The following CNTNAP3B variants were observed in gnomAD, a reference collection of about 807,000 sequenced individuals.
CNTNAP3B encodes the protein contactin-associated protein-like 3B.
In CNTNAP3B, 25 loss-of-function variants were observed where a neutral mutation model predicts 108.9. The observed-to-expected ratio is 0.23, with a 90% CI of 0.17 to 0.32. CNTNAP3B has a LOEUF of 0.32. Among genes scored for constraint, CNTNAP3B ranks in the 10% least tolerant of loss-of-function variants. The pLI is 1.00. For synonymous variants in CNTNAP3B, 103 were observed against 473.4 expected (o/e 0.22, Z 10.16); for missense variants, 252 against 1,210.4 (o/e 0.21, Z 11.75).
intron 11 of CNTNAP3B, among the ~76,000 whole-genome samples, chr9:41,963,017 C>T (rs1431490854): frequency 2.0e-5 from 3 of 152,170 alleles, no homozygotes; most frequent in Non-Finnish European, 4.4e-5. Flanking sequence ...AACAGGGACC[C>T]TTCTAGTACA....
intron 9 of CNTNAP3B, chr9:41,983,168 G>T (rs1223380135): frequency 1.5e-5 from 2 of 136,838 alleles, no homozygotes; most frequent in Non-Finnish European, 3.1e-5. Context: ...TAACAAACCT[G>T]CACATGTATA....
At chr9:41,964,394 T>A in intron 11 of CNTNAP3B, 144 bp downstream of exon 11, 1 of 1,425,224 alleles carries the variant, frequency 7.0e-7, no homozygotes, top group Non-Finnish European at 9.3e-7. Flanking sequence ...TAAGGTGGAT[T>A]AAAAGTAAAC....
intron 14 of CNTNAP3B, among the ~76,000 whole-genome samples, chr9:41,931,888 C>A (rs1023588802): frequency 2.7e-5 from 4 of 150,380 alleles, no homozygotes; most frequent in African/African-American, 9.9e-5. Flanking sequence ...CACGGGAGCT[C>A]CAAGTTTCAT....
In CNTNAP3B at chr9:41,986,207, C is replaced by T. The variant is rs747222368; in HGVS notation, c.1438G>A (p.Ala480Thr). The change falls in exon 9 of 24, where the codon GCT becomes ACT. Residue 480 changes from alanine to threonine, a missense_variant. By Grantham distance (58) the Ala-to-Thr change is moderately conservative (BLOSUM62 0). Transcript: ENST00000377561. Reference protein sequence around the residue: ...DDDTAVQPLVAVLIDSGDTYY... With the variant: ...DDDTAVQPLVTVLIDSGDTYY... Reference sequence around the variant, plus strand: ...GTGTCACCTGAATCAATGAGCACAGCCACCAGGGGCTGAACAGCTGTGTCA... The same window carrying T: ...GTGTCACCTGAATCAATGAGCACAGTCACCAGGGGCTGAACAGCTGTGTCA... 5 of 1,110,312 alleles carry T rather than the reference C, an allele frequency of 4.5e-6. 1 individual carries two copies. Among genetic ancestry groups the T allele is most frequent in the East Asian group, 5.8e-5 (1 of 17,126 alleles). 68.8% of individuals were successfully genotyped at this position (1,110,312 alleles called of 1,614,324 possible).
chr9:42,055,508 T>C, intron 3 of CNTNAP3B, among the ~76,000 whole-genome samples: 1 of 143,208 alleles, frequency 7.0e-6, no homozygotes, highest in Middle Eastern at 3.5e-3. Flanking sequence ...TCATAAAATG[T>C]TAGTTAATCT....
At chr9:41,926,128 G>T (rs1207012100) in intron 15 of CNTNAP3B, among the ~76,000 whole-genome samples, 1 of 152,380 alleles carries the variant, frequency 6.6e-6, no homozygotes, top group East Asian at 1.9e-4. Flanking sequence ...GGATACCTCC[G>T]TTTTTAACCC....
intron 18 of CNTNAP3B, among the ~76,000 whole-genome samples, chr9:41,918,594 A>C (rs111541506): frequency 1.4e-5 from 2 of 143,018 alleles, no homozygotes; most frequent in Admixed American, 1.4e-4. Flanking sequence ...GATCATTCTT[A>C]TTAGATTAGG....
At chr9:41,948,075 CTTTT>C (rs1157775331) in intron 13 of CNTNAP3B, among the ~76,000 whole-genome samples, 1 of 151,366 alleles carries the variant, frequency 6.6e-6, no homozygotes, top group African/African-American at 2.4e-5. Context: ...TTGGAGAATT[CTTTT>C]TGTTTTGTTT....
chr9:42,113,893 C>T (rs1752556341), intron 1 of CNTNAP3B, among the ~76,000 whole-genome samples: 2 of 139,124 alleles, frequency 1.4e-5, no homozygotes, highest in Admixed American at 7.2e-5. Flanking sequence ...TGTATCAAAA[C>T]ATCTCATGTA....
intron 14 of CNTNAP3B, among the ~76,000 whole-genome samples, chr9:41,932,169 T>A (rs1823996690): frequency 6.6e-6 from 1 of 151,214 alleles, no homozygotes; most frequent in South Asian, 2.1e-4. Context: ...AATAGGGACA[T>A]CTCATTTTTC....
At chr9:41,953,763 TC>T (rs1824771994) in intron 12 of CNTNAP3B, among the ~76,000 whole-genome samples, 3 of 4,288 alleles carry the variant, frequency 7.0e-4, no homozygotes, top group Admixed American at 4.7e-3. Flanking sequence ...TCTATTTCTT[TC>T]ATTATCGAAT....
intron 3 of CNTNAP3B, among the ~76,000 whole-genome samples, chr9:42,047,441 A>T (rs1232926457): frequency 7.9e-6 from 1 of 126,264 alleles, no homozygotes; most frequent in African/African-American, 3.2e-5. Context: ...ATTAAGTTTA[A>T]ATGGGAAGAT....
At chr9:42,076,427 TAAAAAA>T (rs1186980537) in intron 3 of CNTNAP3B, among the ~76,000 whole-genome samples, 12 of 104,200 alleles carry the variant, frequency 1.2e-4, no homozygotes, top group African/African-American at 4.4e-4. Context: ...ACTCTGTCTC[TAAAAAA>T]AAAAAAAAAA....
rs1436935077 is a variant in CNTNAP3B, at chr9:42,115,278, G to C, written c.86-10539C>G. Among the ~76,000 whole-genome samples the C allele has an allele frequency of 3.7e-5, 5 of 134,710 alleles. 1 individual carries two copies. Among genetic ancestry groups the C allele is most frequent in the African/African-American group, 1.5e-4 (5 of 33,522 alleles). The allele number at this position is 134,710 out of a possible 152,430, so 88.4% of individuals were successfully genotyped here. Reference sequence around the variant, plus strand: ...GGTCCGGATCCAAGATGGTCGAATAGGAACAGCTCCAGTCTACAGCTCCCA... The same window carrying C: ...GGTCCGGATCCAAGATGGTCGAATACGAACAGCTCCAGTCTACAGCTCCCA... On this transcript the variant is annotated intron_variant, in intron 1 of 23. Coordinates refer to ENST00000377561, the MANE Select transcript of CNTNAP3B (RefSeq NM_001201380.3).
rs1261669795 is a variant in CNTNAP3B, at chr9:42,090,875, A to T, written c.196+13754T>A. Among the ~76,000 whole-genome samples, 9 of 90,510 alleles carry T rather than the reference A, an allele frequency of 9.9e-5. 1 individual carries two copies. Among genetic ancestry groups the T allele is most frequent in the Non-Finnish European group, 2.0e-4 (9 of 44,754 alleles). 59.4% of individuals were successfully genotyped at this position (90,510 alleles called of 152,430 possible). ...CACACACACACACACACATACATTC[A>T]GCTTCAGGAAAACTGGTGCCATTAC... On this transcript the variant is annotated intron_variant, in intron 2 of 23. Coordinates refer to ENST00000377561, the MANE Select transcript of CNTNAP3B (RefSeq NM_001201380.3).
chr9:41,964,824 A>C (rs1296423814), intron 10 of CNTNAP3B, among the ~76,000 whole-genome samples, 180 bp from the exon 11 acceptor site: 1 of 152,242 alleles, frequency 6.6e-6, no homozygotes, highest in Non-Finnish European at 1.5e-5. Flanking sequence ...AAATATATCC[A>C]TTAGCATGCA....
intron 14 of CNTNAP3B, among the ~76,000 whole-genome samples, chr9:41,930,847 AG>A (rs1823956916): frequency 6.6e-6 from 1 of 152,244 alleles, no homozygotes; most frequent in South Asian, 2.1e-4. Flanking sequence ...CTGCTGCAAA[AG>A]TATTTTATTA....
intron 1 of CNTNAP3B, among the ~76,000 whole-genome samples, chr9:42,107,641 A>T (rs1828107935): frequency 7.6e-6 from 1 of 131,666 alleles, no homozygotes. Context: ...CTTGTAATGA[A>T]GAAAATTTCT....
chr9:41,936,125 C>T (rs1346216336), intron 14 of CNTNAP3B, among the ~76,000 whole-genome samples: 4 of 152,298 alleles, frequency 2.6e-5, no homozygotes, highest in African/African-American at 9.6e-5. Flanking sequence ...ACTAAAAATA[C>T]AAAAATTAGC....
Sources: allele counts gnomAD v4.1 joint callset (sites outside exome capture counted in the v4.1 genomes callset), GRCh38; gene constraint gnomAD v4.1.1; transcripts MANE v1.5; gene names NCBI Gene and HGNC (gene_info 2026-07-23, HGNC 2026-07-21).